Variants in ANKRD30BL observed in about 807,000 individuals in gnomAD.
ANKRD30BL encodes ankyrin repeat domain 30B like, also known as putative ankyrin repeat domain-containing protein 30B-like.
A neutral mutation model predicts 18.4 loss-of-function variants in ANKRD30BL; 20 were observed. The observed-to-expected ratio is 1.09, with a 90% CI of 0.77 to 1.58. The LOEUF (loss-of-function observed/expected upper bound fraction) is 1.58. Ranked by LOEUF, ANKRD30BL falls within the 40% of genes most tolerant of loss-of-function variation. The probability of loss-of-function intolerance (pLI) is 0.00; values close to 1 mark genes in which losing one functional copy is unlikely to be tolerated. For missense variants in ANKRD30BL, 224 were observed against 268.6 expected (o/e 0.83, Z 1.16); for synonymous variants, 72 against 100.9 (o/e 0.71, Z 1.72).
chr2:132,173,454 C>T (rs980591727), intron 1 of ANKRD30BL, among the ~76,000 whole-genome samples: 12 of 151,796 alleles, frequency 7.9e-5, no homozygotes, highest in South Asian at 2.1e-4. Flanking sequence ...CCACCACGCC[C>T]GGCTAATTTT....
chr2:132,179,622 TAAA>T (rs1350205384), intron 1 of ANKRD30BL, among the ~76,000 whole-genome samples: 2 of 152,018 alleles, frequency 1.3e-5, no homozygotes, highest in African/African-American at 4.8e-5. Context: ...TACTACTTAT[TAAA>T]AAAGAAAAAG....
intron 1 of ANKRD30BL, among the ~76,000 whole-genome samples, chr2:132,219,794 G>T (rs201894577): frequency 2.0e-5 from 3 of 152,032 alleles, no homozygotes; most frequent in Admixed American, 2.0e-4. Flanking sequence ...TATTTGAAGC[G>T]CTTTGAGGAC....
At chr2:132,206,749 G>A (rs1031864024) in intron 1 of ANKRD30BL, among the ~76,000 whole-genome samples, 1 of 152,208 alleles carries the variant, frequency 6.6e-6, no homozygotes, top group Non-Finnish European at 1.5e-5. Context: ...ACATTAGGTG[G>A]CTTAAAATGA....
intron 1 of ANKRD30BL, among the ~76,000 whole-genome samples, chr2:132,217,000 T>C (rs879035220): frequency 6.6e-6 from 1 of 152,056 alleles, no homozygotes; most frequent in African/African-American, 2.4e-5. Context: ...TGAACCTTTC[T>C]TTTGATAGGG....
chr2:132,212,522 C>T (rs185423033), intron 1 of ANKRD30BL, among the ~76,000 whole-genome samples: 26 of 151,666 alleles, frequency 1.7e-4, no homozygotes, highest in Admixed American at 1.1e-3. Flanking sequence ...GTGATGTGTC[C>T]ATTCATCTGA....
chr2:132,243,345 A>G lies in ANKRD30BL; in HGVS notation n.441+14184T>C, dbSNP rs182536297. ...AAAAATTCTTCATGTAGAATCTGCAAGTGGACATTTGGAGTGATATGAGAC... is the reference window on the plus strand; with the variant it reads ...AAAAATTCTTCATGTAGAATCTGCAGGTGGACATTTGGAGTGATATGAGAC... On this transcript the variant is annotated intron_variant and non_coding_transcript_variant, in intron 1 of 4. Coordinates refer to the ANKRD30BL transcript ENST00000470729. 1.7e-3 allele frequency among the ~76,000 whole-genome samples: 255 copies of G among 151,810 alleles called. 1 individual carries two copies. Among genetic ancestry groups the G allele is most frequent in the African/African-American group, 5.8e-3 (242 of 41,526 alleles).
intron 1 of ANKRD30BL, among the ~76,000 whole-genome samples, chr2:132,222,098 CCCCACCCG>C (rs1679707075): frequency 6.8e-6 from 1 of 147,042 alleles, no homozygotes; most frequent in Non-Finnish European, 1.5e-5. Context: ...GGGGTCAGCC[CCCCACCCG>C]GCCAGCCGCC....
At chr2:132,194,001 G>T (rs1236980935) in intron 1 of ANKRD30BL, among the ~76,000 whole-genome samples, 1 of 151,462 alleles carries the variant, frequency 6.6e-6, no homozygotes, top group Non-Finnish European at 1.5e-5. Flanking sequence ...AGGAGGTAGG[G>T]CTACTTTTCT....
At position 132,235,296 on chromosome 2, in the gene ANKRD30BL, C is replaced by G. The variant is rs371848784; in HGVS notation, n.441+22233G>C. Among the ~76,000 whole-genome samples, 75 of 152,290 alleles carry G rather than the reference C, an allele frequency of 4.9e-4. 1 individual carries two copies. In the Middle Eastern group the frequency reaches 0.01, roughly 21 times the overall value. ...CTGGCACAAGACAGGGATGCCCTCT[C>G]TCACCACTCCTATTCAACATAGGGT... is the stretch of plus-strand genomic sequence containing the variant. On this transcript the variant is annotated intron_variant and non_coding_transcript_variant, in intron 1 of 4. Coordinates refer to the ANKRD30BL transcript ENST00000470729.
intron 1 of ANKRD30BL, among the ~76,000 whole-genome samples, chr2:132,213,136 G>C (rs1679400309): frequency 6.6e-6 from 1 of 150,414 alleles, no homozygotes; most frequent in Non-Finnish European, 1.5e-5. Flanking sequence ...GCCTATGGTG[G>C]AAAAAAAAAT....
intron 1 of ANKRD30BL, among the ~76,000 whole-genome samples, chr2:132,241,731 G>A (rs529402399): frequency 1.3e-5 from 2 of 151,830 alleles, no homozygotes; most frequent in African/African-American, 4.8e-5. Context: ...TCTTTCTGAT[G>A]TGTGTACTCA....
At chr2:132,195,058 A>T (rs1380074060) in intron 1 of ANKRD30BL, among the ~76,000 whole-genome samples, 2 of 152,214 alleles carry the variant, frequency 1.3e-5, no homozygotes, top group Non-Finnish European at 2.9e-5. Flanking sequence ...AAGGCCAATG[A>T]CAGATGGGTT....
intron 1 of ANKRD30BL, among the ~76,000 whole-genome samples, chr2:132,234,192 T>C (rs561391415): frequency 2.6e-5 from 4 of 152,120 alleles, no homozygotes; most frequent in Admixed American, 6.6e-5. Flanking sequence ...AAGCAGGGTG[T>C]AGAGGGAAAT....
At chr2:132,223,408 A>G (rs1001236338) in intron 1 of ANKRD30BL, among the ~76,000 whole-genome samples, 1 of 152,112 alleles carries the variant, frequency 6.6e-6, no homozygotes, top group Admixed American at 6.6e-5. Context: ...CTGCAAGTGG[A>G]CATTTGGAGC....
chr2:132,222,790 C>T (rs943023356), intron 1 of ANKRD30BL, among the ~76,000 whole-genome samples: 10 of 129,204 alleles, frequency 7.7e-5, no homozygotes, highest in African/African-American at 2.5e-4. Flanking sequence ...TCCTATGACC[C>T]TGCCAAATCC....
chr2:132,152,556 C>T (rs1687788074), intron 4 of ANKRD30BL: 1 of 152,108 alleles, frequency 6.6e-6, no homozygotes, highest in Admixed American at 6.5e-5. Context: ...CTTGAGGGGA[C>T]AACCACAAGT....
At chr2:132,243,078 T>C (rs915882297) in intron 1 of ANKRD30BL, among the ~76,000 whole-genome samples, 2 of 151,946 alleles carry the variant, frequency 1.3e-5, no homozygotes, top group African/African-American at 4.8e-5. Flanking sequence ...ACAGAGGCAT[T>C]CTCAGAAACT....
chr2:132,245,812 T>A (rs1423216493), intron 1 of ANKRD30BL, among the ~76,000 whole-genome samples: 1 of 151,712 alleles, frequency 6.6e-6, no homozygotes, highest in Non-Finnish European at 1.5e-5. Flanking sequence ...GACAGAAGCA[T>A]TCTCAGAAAC....
At chr2:132,216,903 C>T (rs914663851) in intron 1 of ANKRD30BL, among the ~76,000 whole-genome samples, 9 of 147,632 alleles carry the variant, frequency 6.1e-5, no homozygotes, top group African/African-American at 1.7e-4. Flanking sequence ...TCGAGGCATT[C>T]GTTGGAAATG....
Sources: allele counts gnomAD v4.1 joint callset (sites outside exome capture counted in the v4.1 genomes callset), GRCh38; gene constraint gnomAD v4.1.1; transcripts MANE v1.5; gene names NCBI Gene and HGNC (gene_info 2026-07-23, HGNC 2026-07-21).